Variants in CDH10 observed in about 807,000 individuals in gnomAD.
The protein encoded by CDH10 is cadherin-10.
CDH10 carries 30 observed loss-of-function variants against 73.1 expected under a neutral mutation model. The ratio of observed to expected loss-of-function variants is 0.41; its 90% CI spans 0.31 to 0.56. CDH10 has a LOEUF of 0.56. Among genes scored for constraint, CDH10 ranks in the 20% least tolerant of loss-of-function variants. CDH10 has a pLI of 0.27. For synonymous variants in CDH10, 345 were observed against 348.2 expected (o/e 0.99, Z 0.10); for missense variants, 815 against 973.7 (o/e 0.84, Z 2.17).
intron 2 of CDH10, among the ~76,000 whole-genome samples, chr5:24,573,955 G>A (rs1430460893): frequency 1.3e-5 from 2 of 150,894 alleles, no homozygotes; most frequent in Non-Finnish European, 2.9e-5. Flanking sequence ...CGCGATCTCC[G>A]CTCACTGCAA....
chr5:24,592,404 T>C (rs1746230062), intron 2 of CDH10, among the ~76,000 whole-genome samples: 1 of 151,802 alleles, frequency 6.6e-6, no homozygotes, highest in Non-Finnish European at 1.5e-5. Context: ...TATGACATAG[T>C]CTCACAATCT....
Position 24,535,104 on chromosome 5 carries a change from G to A in CDH10, c.814+8C>T, listed in dbSNP as rs2111875703. On this transcript the variant is annotated splice_region_variant and intron_variant, in intron 5 of 11. Transcript: ENST00000264463. ...TGCCCGGCAGAATGACCATTAAAGG[G>A]TGCTTACTCTGGGGGAAACGTGGTG... 6.3e-7 allele frequency: 1 copy of A among 1,594,064 alleles called. No individual in the cohort carries two copies. The highest frequency in any genetic ancestry group is 8.5e-7 in the Non-Finnish European group (1 of 1,173,348).
At chr5:24,555,754 T>C (rs1302686375) in intron 2 of CDH10, among the ~76,000 whole-genome samples, 1 of 152,096 alleles carries the variant, frequency 6.6e-6, no homozygotes, top group African/African-American at 2.4e-5. Context: ...TATAAATTAA[T>C]CTGAGTGAAT....
At chr5:24,491,382 C>CAACTAT (rs70963601) in intron 11 of CDH10, among the ~76,000 whole-genome samples, 194 bp downstream of exon 11, 128,995 of 151,558 alleles carry the variant, frequency 0.85, 55,040 homozygotes, top group Middle Eastern at 0.88. Context: ...ACTATTACTA[C>CAACTAT]AACAAAAATT....
intron 2 of CDH10, among the ~76,000 whole-genome samples, chr5:24,569,843 A>G (rs1055425114): frequency 6.6e-6 from 1 of 151,790 alleles, no homozygotes; most frequent in Non-Finnish European, 1.5e-5. Flanking sequence ...GCTCACTGCA[A>G]CTTCTGCCTC....
chr5:24,509,660 A>G lies in CDH10; in HGVS notation c.1162T>C (p.Ser388Pro). Residue 388 changes from serine (S) to proline (P), a missense_variant, in exon 7 of 12, where the codon TCC becomes CCC. Ser to Pro is a moderately conservative substitution (Grantham distance 74, BLOSUM62 -1). Transcript: ENST00000264463. ...VDEPPVFSRSSYLFEVHEDIE... is the reference protein window; with the variant it reads ...VDEPPVFSRSPYLFEVHEDIE... ...TCTTCATGAACTTCAAACAGATAGGAGGACCTACTAAAAACAGGAGGTTCA... is the reference window on the plus strand; with the variant it reads ...TCTTCATGAACTTCAAACAGATAGGGGGACCTACTAAAAACAGGAGGTTCA... 1 of 1,613,052 alleles carries G rather than the reference A, an allele frequency of 6.2e-7. No homozygotes were observed. The highest frequency in any genetic ancestry group is 8.5e-7 in the Non-Finnish European group (1 of 1,179,008).
intron 1 of CDH10, among the ~76,000 whole-genome samples, chr5:24,595,861 A>T (rs1746354374): frequency 6.6e-6 from 1 of 151,932 alleles, no homozygotes; most frequent in Non-Finnish European, 1.5e-5. Flanking sequence ...TGTTTTGGAA[A>T]AGAGTAGGTG....
At chr5:24,544,341 A>G (rs1744262647) in intron 2 of CDH10, among the ~76,000 whole-genome samples, 1 of 152,146 alleles carries the variant, frequency 6.6e-6, no homozygotes, top group Non-Finnish European at 1.5e-5. Context: ...AAGCTTAACA[A>G]TGAAATAGAT....
chr5:24,623,922 T>C (rs1248322363), intron 1 of CDH10, among the ~76,000 whole-genome samples: 1 of 152,184 alleles, frequency 6.6e-6, no homozygotes, highest in African/African-American at 2.4e-5. Flanking sequence ...GTACCTTATC[T>C]AGTGAGAAAT....
At chr5:24,621,248 A>G (rs1747307724) in intron 1 of CDH10, among the ~76,000 whole-genome samples, 1 of 152,182 alleles carries the variant, frequency 6.6e-6, no homozygotes, top group Non-Finnish European at 1.5e-5. Flanking sequence ...AGTCTCCCTG[A>G]GATCTCTGGG....
At chr5:24,561,952 A>T (rs1044990219) in intron 2 of CDH10, among the ~76,000 whole-genome samples, 3 of 152,110 alleles carry the variant, frequency 2.0e-5, no homozygotes, top group African/African-American at 4.8e-5. Flanking sequence ...AACAAAAAAC[A>T]TATGTGATCA....
intron 5 of CDH10, among the ~76,000 whole-genome samples, chr5:24,513,167 T>C (rs184049895): frequency 2.2e-4 from 34 of 151,964 alleles, no homozygotes; most frequent in African/African-American, 7.2e-4. Flanking sequence ...TATAGGCACC[T>C]GCCACCACAC....
At chr5:24,501,896 T>A (rs568128909) in intron 8 of CDH10, among the ~76,000 whole-genome samples, 1 of 152,016 alleles carries the variant, frequency 6.6e-6, no homozygotes, top group African/African-American at 2.4e-5. Context: ...ATTGTGACCT[T>A]AATTTTAGAT....
chr5:24,544,064 G>A (rs1349650102), intron 2 of CDH10, among the ~76,000 whole-genome samples: 8 of 152,168 alleles, frequency 5.3e-5, no homozygotes, highest in African/African-American at 1.9e-4. Flanking sequence ...GGGAGGCCGA[G>A]GAAGGCGGAT....
At chr5:24,571,539 A>AT (rs1296603683) in intron 2 of CDH10, among the ~76,000 whole-genome samples, 1 of 152,134 alleles carries the variant, frequency 6.6e-6, no homozygotes, top group African/African-American at 2.4e-5. Context: ...TTCAGAAGAA[A>AT]TTTTATATTG....
Position 24,593,039 on chromosome 5 carries a change from T to C in CDH10, c.231+221A>G, listed in dbSNP as rs73743650. 7.2e-3 allele frequency among the ~76,000 whole-genome samples: 1,088 copies of C among 151,918 alleles called. 12 individuals are homozygous for C. Among genetic ancestry groups the C allele is most frequent in the African/African-American group, 0.024 (1,015 of 41,528 alleles). ...GAGTACCTCTTTAATCCATAAGTTA[T>C]TGGGCAGAATTAATTCTAATAAATA... On this transcript the variant is annotated intron_variant, in intron 2 of 11. Transcript: ENST00000264463.
chr5:24,567,342 T>C (rs1314578702), intron 2 of CDH10, among the ~76,000 whole-genome samples: 3 of 151,472 alleles, frequency 2.0e-5, no homozygotes, highest in Non-Finnish European at 4.4e-5. Context: ...ACTCCATTTC[T>C]ACACATTTGG....
chr5:24,558,319 T>A (rs2111978312), intron 2 of CDH10, among the ~76,000 whole-genome samples: 1 of 151,870 alleles, frequency 6.6e-6, no homozygotes. Context: ...TATTATAAAC[T>A]ATGACCAGGA....
At chr5:24,554,473 CGTGTGTGTGTGTGTGTGTGTGT>C (rs70965612) in intron 2 of CDH10, among the ~76,000 whole-genome samples, 2 of 149,442 alleles carry the variant, frequency 1.3e-5, no homozygotes, top group South Asian at 4.3e-4. Context: ...TCTCCCTATT[CGTGTGTGTGTGTGTGTGTGTGT>C]GTGTGTGTGT....
Sources: gnomAD v4.1 joint callset for allele counts (sites outside exome capture counted in the v4.1 genomes callset) on GRCh38, gnomAD v4.1.1 for gene constraint, MANE v1.5 for transcripts, NCBI Gene and HGNC (gene_info 2026-07-23, HGNC 2026-07-21) for gene names.